The following RFX1 variants were observed in gnomAD, a reference collection of about 807,000 sequenced individuals.
RFX1 encodes the protein MHC class II regulatory factor RFX1.
In RFX1, 42 loss-of-function variants were observed where a neutral mutation model predicts 119.6. That is an observed-to-expected ratio of 0.35 (90% confidence interval 0.27 to 0.45). The LOEUF is 0.45. Ranked by LOEUF, RFX1 falls within the 20% of genes least tolerant of loss-of-function variation. The pLI, the probability that RFX1 is intolerant of heterozygous loss-of-function variation, is 1.00. For missense variants in RFX1, 1,118 were observed against 1,368.1 expected (o/e 0.82, Z 2.88); for synonymous variants, 628 against 618.5 (o/e 1.02, Z -0.23).
chr19:13,979,590 T>G, intron 6 of RFX1, 48 bp from the exon 7 acceptor site: 5 of 1,382,184 alleles, frequency 3.6e-6, no homozygotes, highest in Non-Finnish European at 5.0e-6. Flanking sequence ...ACGATGGCCG[T>G]CAACCTACCC....
chr19:14,001,371 G>A (rs1254812702), intron 1 of RFX1, among the ~76,000 whole-genome samples: 3 of 152,188 alleles, frequency 2.0e-5, no homozygotes, highest in African/African-American at 7.2e-5. Flanking sequence ...CACAATCACA[G>A]CTCACTGTAA....
intron 18 of RFX1, 99 bp from the exon 19 acceptor site, chr19:13,963,374 T>G (rs988790135): frequency 8.9e-6 from 13 of 1,465,500 alleles, no homozygotes; most frequent in Non-Finnish European, 1.0e-5. Flanking sequence ...GCCAGCCCAG[T>G]GACTCAGGCT....
chr19:13,979,483 G>A lies in RFX1; in HGVS notation c.798C>T (p.Thr266=), dbSNP rs747759087. 4.6e-5 allele frequency: 74 copies of A among 1,599,836 alleles called. 1 individual carries two copies. In the East Asian group the frequency reaches 1.6e-3, roughly 35 times the overall value. ...APKPGPVQPL[T]VQGLQPVHVA... Reference sequence around the variant, plus strand: ...CGTGGACTGGCTGGAGGCCCTGCACGGTCAGCGGCTGCACCGGGCCGGGTT... The same window carrying A: ...CGTGGACTGGCTGGAGGCCCTGCACAGTCAGCGGCTGCACCGGGCCGGGTT... The change falls in exon 7 of 21, where the codon ACC becomes ACT. Residue 266 remains threonine (T), a synonymous_variant. Coordinates refer to ENST00000254325, the MANE Select transcript of RFX1 (RefSeq NM_002918.5).
chr19:13,991,496 G>A (rs1039668965), intron 2 of RFX1, among the ~76,000 whole-genome samples: 2 of 151,998 alleles, frequency 1.3e-5, no homozygotes, highest in Admixed American at 6.6e-5. Flanking sequence ...CCTCCACTCC[G>A]TCCATATAGT....
chr19:13,970,955 C>T (rs1022755181), intron 9 of RFX1, among the ~76,000 whole-genome samples: 1 of 151,528 alleles, frequency 6.6e-6, no homozygotes, highest in African/African-American at 2.4e-5. Context: ...GAGCCAAGAT[C>T]GCACCACTGC....
chr19:13,969,386 G>A lies in RFX1; in HGVS notation c.1497-492C>T, dbSNP rs1378595231. Among the ~76,000 whole-genome samples the A allele has an allele frequency of 6.6e-6, 1 of 152,096 alleles. No homozygotes were observed. The highest frequency in any genetic ancestry group is 1.5e-5 in the Non-Finnish European group (1 of 68,018). On this transcript the variant is annotated intron_variant, in intron 10 of 20. Transcript: ENST00000254325. The surrounding 1 kb of genome is among the most constrained non-coding windows in gnomAD (Gnocchi z 4.5). ...GCACGTGTGGGCCGGGCACGGTGGG[G>A]TCATGCCTATAATCCTAGCACTTTG...
chr19:13,964,310 C>T (rs1238514543), intron 16 of RFX1, among the ~76,000 whole-genome samples: 1 of 151,608 alleles, frequency 6.6e-6, no homozygotes, highest in African/African-American at 2.4e-5. Flanking sequence ...AGACTGGTCT[C>T]GAACTTCTGG....
chr19:13,989,891 T>G (rs1599507875), intron 2 of RFX1, among the ~76,000 whole-genome samples: 1 of 150,914 alleles, frequency 6.6e-6, no homozygotes. Context: ...GTTTAGGAGG[T>G]GGAGCCGAGA....
At chr19:13,991,670 C>CT (rs555287042) in intron 2 of RFX1, among the ~76,000 whole-genome samples, 4 of 151,370 alleles carry the variant, frequency 2.6e-5, no homozygotes, top group Admixed American at 6.6e-5. Context: ...CTTTTCATTA[C>CT]TTTTTTTTTG....
Position 13,983,456 on chromosome 19 carries a change from C to G in RFX1, c.429+30G>C, listed in dbSNP as rs373048050. On this transcript the variant is annotated intron_variant, in intron 3 of 20. Coordinates refer to ENST00000254325, the MANE Select transcript of RFX1 (RefSeq NM_002918.5). Reference sequence around the variant, plus strand: ...CTGCACTGCCCCCCTCCCGGGCCCTCCCCCACCCCCTGGGAGGGCCACATC... The same window carrying G: ...CTGCACTGCCCCCCTCCCGGGCCCTGCCCCACCCCCTGGGAGGGCCACATC... The G allele has an allele frequency of 4.5e-6, 7 of 1,545,274 alleles. No individual in the cohort carries two copies. In the East Asian group the frequency reaches 1.6e-4, roughly 36 times the overall value.
chr19:13,979,404 G>C, intron 7 of RFX1, 43 bp downstream of exon 7: 1 of 1,423,674 alleles, frequency 7.0e-7, no homozygotes. Flanking sequence ...CCCAGCCCGG[G>C]ACCAGCCCCT....
In RFX1 at chr19:13,963,864, G is replaced by A. The variant is rs1416012280; in HGVS notation, c.2355C>T (p.Asn785=). ...CGCCCCGCCCCGCGCTCACCTGCAC[G>A]TTGGCGAAGTCCACGCGGTTGAGGT... ...LSDLNRVDFA[N]VQEQASWVCR... is the part of the protein sequence containing the mutation. Residue 785 remains asparagine, a synonymous_variant, in exon 17 of 21, where the codon AAC becomes AAT. Coordinates refer to ENST00000254325, the MANE Select transcript of RFX1 (RefSeq NM_002918.5). 6.7e-7 allele frequency: 1 copy of A among 1,503,320 alleles called. No individual in the cohort carries two copies. The highest frequency in any genetic ancestry group is 8.9e-7 in the Non-Finnish European group (1 of 1,122,760). The allele number at this position is 1,503,320 out of a possible 1,614,324, so 93.1% of individuals were successfully genotyped here.
rs1037519101 is a variant in RFX1, at chr19:13,990,712, G to T, written c.319+2813C>A. ...GGCACCTATAGTCCCAGCTACTTGG[G>T]AGGCTGAGGCAGGAGAATGGTGTGA... is the stretch of plus-strand genomic sequence containing the variant. On this transcript the variant is annotated intron_variant, in intron 2 of 20. Coordinates refer to ENST00000254325, the MANE Select transcript of RFX1 (RefSeq NM_002918.5). This position sits in a 1 kb window ranked among gnomAD's most constrained non-coding sequence, Gnocchi z 4.1. Among the ~76,000 whole-genome samples, 4 of 152,144 alleles carry T rather than the reference G, an allele frequency of 2.6e-5. No homozygotes were observed. Among genetic ancestry groups the T allele is most frequent in the African/African-American group, 7.2e-5 (3 of 41,432 alleles).
At chr19:14,001,164 C>T (rs570696304) in intron 1 of RFX1, among the ~76,000 whole-genome samples, 1 of 152,344 alleles carries the variant, frequency 6.6e-6, no homozygotes, top group East Asian at 1.9e-4. Context: ...GTCCCCACCG[C>T]CACCTTCACG....
At position 13,985,290 on chromosome 19, in the gene RFX1, C is replaced by T. The variant is rs1974556148; in HGVS notation, c.320-1695G>A. ...CCTCCCGGTTCAAGTGATTCTCCTG[C>T]CTCAACCCACTGAGTAGCTAGGACT... On this transcript the variant is annotated intron_variant, in intron 2 of 20. Coordinates refer to ENST00000254325, the MANE Select transcript of RFX1 (RefSeq NM_002918.5). This position sits in a 1 kb window ranked among gnomAD's most constrained non-coding sequence, Gnocchi z 4.3. 6.6e-6 allele frequency among the ~76,000 whole-genome samples: 1 copy of T among 152,038 alleles called. No individual in the cohort carries two copies. The highest frequency in any genetic ancestry group is 6.6e-5 in the Admixed American group (1 of 15,222).
At chr19:13,976,171 G>A (rs770360311) in intron 8 of RFX1, among the ~76,000 whole-genome samples, 10 of 152,190 alleles carry the variant, frequency 6.6e-5, no homozygotes, top group Non-Finnish European at 7.3e-5. Flanking sequence ...GCCGGACGCC[G>A]GGGACCAAGC....
At chr19:13,981,800 G>C (rs73924074) in intron 5 of RFX1, among the ~76,000 whole-genome samples, 139 of 152,328 alleles carry the variant, frequency 9.1e-4, no homozygotes, top group African/African-American at 3.2e-3. Context: ...GGGGGGAAGA[G>C]GAACCCACTT....
intron 12 of RFX1, among the ~76,000 whole-genome samples, chr19:13,967,195 A>C (rs1373415087): frequency 6.6e-6 from 1 of 151,944 alleles, no homozygotes; most frequent in Non-Finnish European, 1.5e-5. Flanking sequence ...CCACCCTCCA[A>C]ATGGGATGTC....
chr19:13,995,910 C>A (rs1452374938), intron 1 of RFX1, among the ~76,000 whole-genome samples: 3 of 150,122 alleles, frequency 2.0e-5, no homozygotes, highest in African/African-American at 4.9e-5. Context: ...CACCTGTAAT[C>A]CCAGCTACTC....
Sources: gnomAD v4.1 joint callset for allele counts (sites outside exome capture counted in the v4.1 genomes callset) on GRCh38, gnomAD v4.1.1 for gene constraint, Gnocchi (gnomAD v3.1) non-coding constraint, MANE v1.5 for transcripts, NCBI Gene and HGNC (gene_info 2026-07-23, HGNC 2026-07-21) for gene names.